Variants in LARGE1 observed in about 807,000 individuals in gnomAD.
The protein encoded by LARGE1 is xylosyl- and glucuronyltransferase LARGE1.
Under a neutral mutation model 87.6 loss-of-function variants are expected in LARGE1, and 43 were observed. That is an observed-to-expected ratio of 0.49 (90% CI 0.38 to 0.63). The LOEUF is 0.63. Ranked by LOEUF, LARGE1 falls within the 30% of genes least tolerant of loss-of-function variation. The pLI, the probability that LARGE1 is intolerant of heterozygous loss-of-function variation, is 0.00. For missense variants in LARGE1, 802 were observed against 1,000.2 expected, an observed-to-expected ratio of 0.80 and a Z score of 2.67; for synonymous variants, 434 against 394.6, an observed-to-expected ratio of 1.10 and a Z score of -1.18.
chr22:33,182,069 G>A (rs1007818777), intron 11 of LARGE1, among the ~76,000 whole-genome samples: 3 of 151,944 alleles, frequency 2.0e-5, no homozygotes, highest in East Asian at 1.9e-4. Context: ...TAATCTCCCC[G>A]CCTTGGCCTC....
chr22:33,451,070 C>T (rs968065038), intron 6 of LARGE1, among the ~76,000 whole-genome samples: 2 of 152,198 alleles, frequency 1.3e-5, no homozygotes, highest in Admixed American at 1.3e-4. Context: ...AGAATTCTCC[C>T]TTAGCAAGCC....
At chr22:33,454,326 G>T (rs543043507) in intron 6 of LARGE1, among the ~76,000 whole-genome samples, 2 of 152,142 alleles carry the variant, frequency 1.3e-5, no homozygotes, top group South Asian at 4.2e-4. Flanking sequence ...TATAAGAAAA[G>T]TAGTTGAGTT....
chr22:33,517,696 G>A (rs2071380735), intron 6 of LARGE1, among the ~76,000 whole-genome samples: 1 of 152,208 alleles, frequency 6.6e-6, no homozygotes, highest in African/African-American at 2.4e-5. Flanking sequence ...ACTGTGCCGG[G>A]CCGCCCAGAG....
chr22:33,499,740 G>GT (rs551590648), intron 6 of LARGE1, among the ~76,000 whole-genome samples: 161 of 152,236 alleles, frequency 1.1e-3, no homozygotes, highest in Non-Finnish European at 1.7e-3. Flanking sequence ...ATTATGTGTT[G>GT]TAATAGGTAT....
intron 13 of LARGE1, among the ~76,000 whole-genome samples, chr22:33,282,418 T>A (rs1275982858): frequency 2.0e-5 from 3 of 152,092 alleles, no homozygotes; most frequent in African/African-American, 7.2e-5. Flanking sequence ...GTACCAGCCC[T>A]CTCTTTAGAC....
At chr22:33,301,562 A>C (rs5998862) in intron 12 of LARGE1, among the ~76,000 whole-genome samples, 27,460 of 152,140 alleles carry the variant, frequency 0.18, 5,401 homozygotes, top group African/African-American at 0.5. Flanking sequence ...CCCTGCGTCC[A>C]TAAAGCAATA....
At chr22:33,571,919 C>G (rs2078216562) in intron 5 of LARGE1, among the ~76,000 whole-genome samples, 1 of 152,162 alleles carries the variant, frequency 6.6e-6, no homozygotes, top group South Asian at 2.1e-4. Flanking sequence ...CTGCCTCCCT[C>G]CAGACACATT....
At chr22:33,391,853 T>A (rs2065539385) in intron 7 of LARGE1, among the ~76,000 whole-genome samples, 1 of 140,806 alleles carries the variant, frequency 7.1e-6, no homozygotes, top group South Asian at 2.4e-4. Flanking sequence ...CACTGCAACC[T>A]CTGCCTCCCG....
chr22:33,838,786 C>T (rs1029288971), intron 1 of LARGE1, among the ~76,000 whole-genome samples: 1 of 152,094 alleles, frequency 6.6e-6, no homozygotes, highest in African/African-American at 2.4e-5. Flanking sequence ...TCCCTCACTC[C>T]CCCAAAGGCT....
At chr22:33,732,031 A>G (rs1260131786) in intron 2 of LARGE1, among the ~76,000 whole-genome samples, 2 of 152,224 alleles carry the variant, frequency 1.3e-5, no homozygotes, top group Non-Finnish European at 2.9e-5. Flanking sequence ...GTCTTCTGAA[A>G]TCACCTTATC....
At chr22:33,832,538 G>A (rs1343573748) in intron 1 of LARGE1, among the ~76,000 whole-genome samples, 1 of 152,166 alleles carries the variant, frequency 6.6e-6, no homozygotes, top group Admixed American at 6.5e-5. Context: ...CGCAAGCTGT[G>A]GCTTGGACCC....
At chr22:33,190,745 T>C (rs952653754) in intron 11 of LARGE1, among the ~76,000 whole-genome samples, 19 of 152,156 alleles carry the variant, frequency 1.2e-4, no homozygotes, top group African/African-American at 2.9e-4. Flanking sequence ...TTGTTCTCCA[T>C]AGAAACCAGG....
intron 11 of LARGE1, among the ~76,000 whole-genome samples, chr22:33,246,108 C>T (rs1318622497): frequency 6.6e-6 from 1 of 152,146 alleles, no homozygotes; most frequent in Non-Finnish European, 1.5e-5. Context: ...AAAATAGCAA[C>T]CTCTTTGGAC....
chr22:33,450,682 C>T (rs964369952), intron 6 of LARGE1, among the ~76,000 whole-genome samples: 1 of 151,928 alleles, frequency 6.6e-6, no homozygotes, highest in African/African-American at 2.4e-5. Flanking sequence ...GGAAAAAAAC[C>T]TTAATACTCA....
rs552882538 is a variant in LARGE1 at position 33,436,101 on chromosome 22, G to C, written c.788-3836C>G. Among the ~76,000 whole-genome samples, 3 of 152,258 alleles carry C rather than the reference G, an allele frequency of 2.0e-5. No individual in the cohort carries two copies. The East Asian group carries it at 5.8e-4, about 29-fold the overall frequency. On this transcript the variant is annotated intron_variant, in intron 6 of 14. Coordinates refer to ENST00000397394, the MANE Select transcript of LARGE1 (RefSeq NM_133642.5). ...CAATATAGTTGGAGATAAAGAGTGT[G>C]GACTGAACTCAGGCTGCCTGGTTCC...
chr22:33,860,718 G>A lies in LARGE1; in HGVS notation c.-83+59277C>T, dbSNP rs191043308. Among the ~76,000 whole-genome samples, 380 of 152,302 alleles carry A rather than the reference G, an allele frequency of 2.5e-3. 6 individuals carry two copies. Among genetic ancestry groups the A allele is most frequent in the Non-Finnish European group, 4.3e-4 (29 of 68,026 alleles). On this transcript the variant is annotated intron_variant, in intron 1 of 14. Transcript: ENST00000397394. ...TGGCTCACACAAACATGACTTCAGCGCTCACCAGGGCAAAGCGGGGGCAAG... is the reference window on the plus strand; with the variant it reads ...TGGCTCACACAAACATGACTTCAGCACTCACCAGGGCAAAGCGGGGGCAAG...
At chr22:33,069,761 C>G in the LARGE1 span, among the ~76,000 whole-genome samples, 1 of 148,730 alleles carries the variant, frequency 6.7e-6, no homozygotes, top group Non-Finnish European at 1.5e-5. Context: ...TAAAACAAAT[C>G]AAAAAAATAG....
chr22:33,633,348 G>A (rs1387194031), intron 3 of LARGE1, among the ~76,000 whole-genome samples: 1 of 152,178 alleles, frequency 6.6e-6, no homozygotes, highest in African/African-American at 2.4e-5. Flanking sequence ...GACCACACAA[G>A]AGCAACCAGT....
intron 1 of LARGE1, among the ~76,000 whole-genome samples, chr22:33,896,692 G>A (rs1159665124): frequency 1.3e-5 from 2 of 152,162 alleles, no homozygotes; most frequent in Non-Finnish European, 2.9e-5. Flanking sequence ...GAGGCCTAGC[G>A]ACACTGATCC....
Sources: allele counts gnomAD v4.1 joint callset (sites outside exome capture counted in the v4.1 genomes callset), GRCh38; gene constraint gnomAD v4.1.1; transcripts MANE v1.5; gene names NCBI Gene and HGNC (gene_info 2026-07-23, HGNC 2026-07-21).